RPS6KC1: variants seen among roughly 807,000 people sequenced by gnomAD.
RPS6KC1 encodes inactive ribosomal protein S6 kinase delta-1.
RPS6KC1 carries 54 observed loss-of-function variants against 103.8 expected under a neutral mutation model. The observed-to-expected ratio is 0.52, with a 90% CI of 0.42 to 0.65. RPS6KC1 has a LOEUF of 0.65. Among genes scored for constraint, RPS6KC1 ranks in the 30% least tolerant of loss-of-function variants. The pLI is 0.00. For missense variants in RPS6KC1, 1,151 were observed against 1,253.8 expected (o/e 0.92, Z 1.24); for synonymous variants, 439 against 438.7 (o/e 1.00, Z -0.01).
intron 1 of RPS6KC1, among the ~76,000 whole-genome samples, chr1:213,066,597 G>C (rs990756406): frequency 1.3e-5 from 2 of 152,204 alleles, no homozygotes; most frequent in Non-Finnish European, 2.9e-5. Context: ...TTGTCACACA[G>C]AAAGCAATCT....
chr1:213,213,956 G>A (rs761896142), intron 8 of RPS6KC1, among the ~76,000 whole-genome samples: 14 of 152,208 alleles, frequency 9.2e-5, no homozygotes, highest in South Asian at 4.1e-4. Context: ...TGAGCGACGC[G>A]GAAGACGAAT....
intron 6 of RPS6KC1, among the ~76,000 whole-genome samples, chr1:213,146,238 C>T (rs2087808358): frequency 6.6e-6 from 1 of 151,692 alleles, no homozygotes; most frequent in South Asian, 2.1e-4. Context: ...TTTTTCATGG[C>T]TCAATAGTAC....
chr1:213,092,437 C>T (rs1465456944), intron 3 of RPS6KC1, among the ~76,000 whole-genome samples: 2 of 151,940 alleles, frequency 1.3e-5, no homozygotes, highest in African/African-American at 2.4e-5. Context: ...TTTGGGAGGC[C>T]GAGGCGGGCG....
chr1:213,373,247 G>A, the RPS6KC1 span, among the ~76,000 whole-genome samples: 1 of 152,174 alleles, frequency 6.6e-6, no homozygotes, highest in African/African-American at 2.4e-5. Flanking sequence ...GCCAGTGTTG[G>A]AATTGGGGGC....
the RPS6KC1 span, among the ~76,000 whole-genome samples, chr1:213,380,337 C>T: frequency 6.6e-6 from 1 of 151,844 alleles, no homozygotes; most frequent in Non-Finnish European, 1.5e-5. Flanking sequence ...GAATGGAGGG[C>T]GGGAGGAGGG....
chr1:213,808,524 T>G, the RPS6KC1 span, among the ~76,000 whole-genome samples: 1 of 152,214 alleles, frequency 6.6e-6, no homozygotes, highest in Non-Finnish European at 1.5e-5. Flanking sequence ...CCTTGCAGTT[T>G]GATCTCAGAC....
the RPS6KC1 span, among the ~76,000 whole-genome samples, chr1:213,744,968 C>A: frequency 6.6e-6 from 1 of 152,324 alleles, no homozygotes; most frequent in Admixed American, 6.5e-5. Flanking sequence ...CTTCAAGGTG[C>A]CTCTCACCAC....
At chr1:213,675,698 GA>G in the RPS6KC1 span, among the ~76,000 whole-genome samples, 1 of 151,900 alleles carries the variant, frequency 6.6e-6, no homozygotes, top group South Asian at 2.1e-4. Flanking sequence ...CCAACATGGT[GA>G]AACCCTTTCT....
At chr1:213,168,414 A>G (rs1174668378) in intron 7 of RPS6KC1, among the ~76,000 whole-genome samples, 1 of 152,224 alleles carries the variant, frequency 6.6e-6, no homozygotes, top group Non-Finnish European at 1.5e-5. Context: ...AGAGATAGTT[A>G]TGTTATTTGG....
chr1:213,307,011 AATTGCT>A, the RPS6KC1 span, among the ~76,000 whole-genome samples: 1 of 151,706 alleles, frequency 6.6e-6, no homozygotes, highest in Non-Finnish European at 1.5e-5. Flanking sequence ...TAAGAGAAGT[AATTGCT>A]AAACTGCTGT....
the RPS6KC1 span, among the ~76,000 whole-genome samples, chr1:213,766,025 G>A: frequency 6.6e-6 from 1 of 152,140 alleles, no homozygotes; most frequent in Non-Finnish European, 1.5e-5. Flanking sequence ...AGATTAGGAA[G>A]CTTGGGGGAA....
chr1:213,362,389 A>C, the RPS6KC1 span, among the ~76,000 whole-genome samples: 1 of 152,208 alleles, frequency 6.6e-6, no homozygotes, highest in African/African-American at 2.4e-5. Context: ...GCTAGGCAAC[A>C]TTCTAAGTGC....
At chr1:213,267,111 G>T (rs2094929678) in intron 14 of RPS6KC1, among the ~76,000 whole-genome samples, 1 of 151,802 alleles carries the variant, frequency 6.6e-6, no homozygotes, top group African/African-American at 2.4e-5. Context: ...AGTGGGCCCA[G>T]CAGAAAGTAA....
At chr1:213,833,741 G>A in the RPS6KC1 span, among the ~76,000 whole-genome samples, 2 of 152,220 alleles carry the variant, frequency 1.3e-5, no homozygotes, top group African/African-American at 2.4e-5. Context: ...GTCACCTGAC[G>A]TGTGAGAGAC....
the RPS6KC1 span, among the ~76,000 whole-genome samples, chr1:213,371,284 C>T: frequency 6.6e-6 from 1 of 152,160 alleles, no homozygotes; most frequent in African/African-American, 2.4e-5. Context: ...TCAAAATTTC[C>T]TTCCTTTTTA....
At chr1:213,389,811 C>G in the RPS6KC1 span, among the ~76,000 whole-genome samples, 1 of 152,210 alleles carries the variant, frequency 6.6e-6, no homozygotes, top group African/African-American at 2.4e-5. Flanking sequence ...CTGGGTTTAT[C>G]TCCTGCTCTT....
intron 1 of RPS6KC1, among the ~76,000 whole-genome samples, chr1:213,053,481 GAC>G (rs2077102488): frequency 6.6e-6 from 1 of 152,190 alleles, no homozygotes; most frequent in Non-Finnish European, 1.5e-5. Context: ...AATACTGAGG[GAC>G]ATAAGGCTGA....
intron 8 of RPS6KC1, among the ~76,000 whole-genome samples, chr1:213,180,439 T>G (rs1407265611): frequency 6.6e-6 from 1 of 152,204 alleles, no homozygotes; most frequent in Admixed American, 6.5e-5. Flanking sequence ...AAGAAATACC[T>G]TTTGAGAATT....
At chr1:213,325,223 C>T in the RPS6KC1 span, among the ~76,000 whole-genome samples, 1 of 152,162 alleles carries the variant, frequency 6.6e-6, no homozygotes, top group African/African-American at 2.4e-5. Flanking sequence ...TCTTTCTGAG[C>T]ATCTACGGAC....
Sources: allele counts gnomAD v4.1 joint callset (sites outside exome capture counted in the v4.1 genomes callset), GRCh38; gene constraint gnomAD v4.1.1; transcripts MANE v1.5; gene names NCBI Gene and HGNC (gene_info 2026-07-23, HGNC 2026-07-21).